Variants in PCNT observed in about 807,000 individuals in gnomAD.
PCNT encodes the protein pericentrin.
PCNT carries 319 observed loss-of-function variants against 380.4 expected under a neutral mutation model. The observed-to-expected ratio is 0.84, with a 90% CI of 0.77 to 0.92. PCNT has a LOEUF of 0.92. Ranked by LOEUF, PCNT falls within the 40% of genes least tolerant of loss-of-function variation. The pLI is 0.00. For missense variants in PCNT, 4,400 were observed against 4,255.3 expected (o/e 1.03, Z -0.95); for synonymous variants, 1,845 against 1,735.2 (o/e 1.06, Z -1.57).
intron 2 of PCNT, among the ~76,000 whole-genome samples, chr21:46,327,035 A>C (rs2083417641): frequency 1.3e-5 from 2 of 151,606 alleles, no homozygotes; most frequent in African/African-American, 4.8e-5. Context: ...ACAGTGAGTA[A>C]ATTTTTATGG....
intron 27 of PCNT, among the ~76,000 whole-genome samples, chr21:46,404,457 T>G (rs1338838568): frequency 6.6e-6 from 1 of 152,222 alleles, no homozygotes; most frequent in Non-Finnish European, 1.5e-5. Flanking sequence ...CGAGCAGCTC[T>G]AGGCACCGCA....
intron 2 of PCNT, among the ~76,000 whole-genome samples, chr21:46,327,338 C>T (rs918031187): frequency 5.3e-5 from 8 of 152,108 alleles, no homozygotes; most frequent in East Asian, 1.9e-4. Flanking sequence ...GGATTATAGG[C>T]ATGAGCCACC....
rs2084204227 is a variant in PCNT, at chr21:46,349,882, A to C, written c.1344+62A>C. On this transcript the variant is annotated intron_variant, in intron 8 of 46. Coordinates refer to ENST00000359568, the MANE Select transcript of PCNT (RefSeq NM_006031.6). ...TTAGGGAAGTTTTAACAGATTTTGG[A>C]ATTGGGCTATTTCGTATTGTGTTAT... The C allele has an allele frequency of 2.7e-6, 4 of 1,488,844 alleles. No homozygotes were observed. In the Admixed American group the frequency reaches 6.7e-5, roughly 25 times the overall value. The allele number at this position is 1,488,844 out of a possible 1,614,324, so 92.2% of individuals were successfully genotyped here.
At chr21:46,404,957 C>A (rs1483004788) in intron 27 of PCNT, among the ~76,000 whole-genome samples, 3 of 151,958 alleles carry the variant, frequency 2.0e-5, no homozygotes, top group Non-Finnish European at 4.4e-5. Flanking sequence ...AACTTTATGG[C>A]CGGGCACAGT....
chr21:46,432,637 T>A, intron 38 of PCNT, among the ~76,000 whole-genome samples: 1 of 152,220 alleles, frequency 6.6e-6, no homozygotes. Context: ...TAATTAGGAT[T>A]TTTTTGAGAT....
chr21:46,400,622 G>C (rs1026621853), intron 25 of PCNT, among the ~76,000 whole-genome samples: 1 of 143,004 alleles, frequency 7.0e-6, no homozygotes, highest in Non-Finnish European at 1.5e-5. Context: ...GGGTTCAAGC[G>C]ATCTCTCCTA....
Position 46,343,154 on chromosome 21 carries a change from A to G in PCNT, c.640-2974A>G, listed in dbSNP as rs149200417. 1.7e-4 allele frequency among the ~76,000 whole-genome samples: 26 copies of G among 151,956 alleles called. No homozygotes were observed. In the East Asian group the frequency reaches 4.7e-3, roughly 27 times the overall value. ...CTCTTTACTGATTTGGATGCCCTCT[A>G]TTTCTTCTCTTGTCTGATTGCTCTG... On this transcript the variant is annotated intron_variant, in intron 3 of 46. Coordinates refer to ENST00000359568, the MANE Select transcript of PCNT (RefSeq NM_006031.6).
chr21:46,437,062 G>C lies in PCNT; in HGVS notation c.9080G>C (p.Ser3027Thr), dbSNP rs1264107034. The C allele has an allele frequency of 1.2e-6, 2 of 1,613,882 alleles. No individual in the cohort carries two copies. The highest frequency in any genetic ancestry group is 8.5e-7 in the Non-Finnish European group (1 of 1,179,842). Reference sequence around the variant, plus strand: ...TTGGAGGAGCTGAAGTCTGACTTGAGCAGGCCCACCTCCTCCCAGGTAAGG... The same window carrying C: ...TTGGAGGAGCTGAAGTCTGACTTGACCAGGCCCACCTCCTCCCAGGTAAGG... ...HTLEELKSDL[S>T]RPTSSQKKMA... is the part of the protein sequence containing the mutation. The change falls in exon 40 of 47, where the codon AGC becomes ACC. Residue 3027 changes from serine (S) to threonine (T), a missense_variant. Transcript: ENST00000359568.
chr21:46,442,436 T>C, intron 43 of PCNT, 61 bp from the exon 44 acceptor site: 1 of 1,078,440 alleles, frequency 9.3e-7, no homozygotes, highest in Admixed American at 1.8e-5. Flanking sequence ...GGGGTTTTCA[T>C]TGCTCTTTCC....
rs879151483 is a variant in PCNT, at chr21:46,367,022, G to A, written c.3048G>A (p.Leu1016=). ...SLHQTILTQE[L]EKLKRKHEGE... Reference sequence around the variant, plus strand: ...ACCAAACGATTTTGACTCAAGAGTTGGAGAAACTGAAGCGGAAACACGAAG... The same window carrying A: ...ACCAAACGATTTTGACTCAAGAGTTAGAGAAACTGAAGCGGAAACACGAAG... Residue 1016 remains leucine, a synonymous_variant, in exon 15 of 47, where the codon TTG becomes TTA. Coordinates refer to ENST00000359568, the MANE Select transcript of PCNT (RefSeq NM_006031.6). 1.9e-6 allele frequency: 3 copies of A among 1,614,156 alleles called. No individual in the cohort carries two copies. In the South Asian group the frequency reaches 3.3e-5, roughly 18 times the overall value.
At chr21:46,420,301 A>G (rs1006685539) in intron 31 of PCNT, among the ~76,000 whole-genome samples, 4 of 152,126 alleles carry the variant, frequency 2.6e-5, no homozygotes, top group African/African-American at 9.7e-5. Context: ...ATTGATTGTC[A>G]AATTTTCTTT....
rs2086456331 is a variant in PCNT, at chr21:46,402,352, C to G, written c.4984C>G (p.Leu1662Val). ...AAAGGTTTTGGACTTAAAAGAACAG[C>G]TAGAAAAGATGAAAGGTGACTTAGA... ...ESEVLDLKEQ[L>V]EKMKGDLESK... is the part of the protein sequence containing the mutation. The change falls in exon 27 of 47, where the codon CTA becomes GTA. Residue 1662 changes from leucine to valine, a missense_variant. Transcript: ENST00000359568. The G allele has an allele frequency of 6.2e-7, 1 of 1,607,774 alleles. No individual in the cohort carries two copies. The highest frequency in any genetic ancestry group is 1.1e-5 in the South Asian group (1 of 90,928).
chr21:46,338,567 C>CT (rs746514948), intron 3 of PCNT, among the ~76,000 whole-genome samples: 1 of 148,428 alleles, frequency 6.7e-6, no homozygotes, highest in Non-Finnish European at 1.5e-5. Flanking sequence ...GGACATCTTT[C>CT]TTCTAGCTTT....
rs572339918 is a variant in PCNT, at chr21:46,431,801, C to T, written c.8337C>T (p.Cys2779=). ...EQLSQRTQEA[C]VHQDTQAHHA... The stretch of plus-strand genomic sequence containing the variant: ...TGAGCCAGAGGACACAGGAGGCTTG[C>T]GTGCACCAGGACACACAGGCCCATC... The change falls in exon 38 of 47, where the codon TGC becomes TGT. Residue 2779 remains cysteine (C), a synonymous_variant. Coordinates refer to ENST00000359568, the MANE Select transcript of PCNT (RefSeq NM_006031.6). 13 of 1,613,428 alleles carry T rather than the reference C, an allele frequency of 8.1e-6. No homozygotes were observed. Among genetic ancestry groups the T allele is most frequent in the African/African-American group, 2.7e-5 (2 of 75,040 alleles).
chr21:46,333,151 T>TTAAGAAGAGG (rs2083610191), intron 2 of PCNT, among the ~76,000 whole-genome samples: 1 of 151,816 alleles, frequency 6.6e-6, no homozygotes, highest in East Asian at 1.9e-4. Context: ...GTAGAATTCA[T>TTAAGAAGAGG]GGCCGGGCGC....
intron 9 of PCNT, among the ~76,000 whole-genome samples, chr21:46,351,912 G>A: frequency 6.6e-6 from 1 of 152,228 alleles, no homozygotes; most frequent in East Asian, 1.9e-4. Flanking sequence ...GGGTCACAGG[G>A]CAGTGCCCCA....
chr21:46,400,579 C>T (rs28415235), intron 25 of PCNT, among the ~76,000 whole-genome samples: 11 of 137,496 alleles, frequency 8.0e-5, no homozygotes, highest in East Asian at 2.1e-4. Context: ...AGTGCAGTGG[C>T]GCAATCTCGG....
At chr21:46,418,166 A>T in intron 30 of PCNT, 38 bp from the exon 31 acceptor site, 1 of 1,246,514 alleles carries the variant, frequency 8.0e-7, no homozygotes, top group Non-Finnish European at 1.2e-6. Flanking sequence ...TGATGTAATT[A>T]CTCATTATTT....
Position 46,399,772 on chromosome 21 carries a change from A to C in PCNT, c.4767A>C (p.Lys1589Asn). The C allele has an allele frequency of 6.2e-7, 1 of 1,614,088 alleles. No homozygotes were observed. Residue 1589 changes from lysine (K) to asparagine (N), a missense_variant, in exon 25 of 47, where the codon AAA (lysine) becomes AAC (asparagine). Physicochemically the swap from Lys to Asn is moderately conservative, Grantham distance 94 (BLOSUM62 0). Transcript: ENST00000359568. ...AQLQEEVEKQ[K>N]NIVKGLEQDK... is the part of the protein sequence containing the mutation. ...TCCAGGAAGAAGTGGAAAAACAGAA[A>C]AACATCGTGAAAGGGCTGGAACAGG...
Sources: gnomAD v4.1 joint callset for allele counts (sites outside exome capture counted in the v4.1 genomes callset) on GRCh38, gnomAD v4.1.1 for gene constraint, MANE v1.5 for transcripts, NCBI Gene and HGNC (gene_info 2026-07-23, HGNC 2026-07-21) for gene names.